GSE1: variants seen among roughly 807,000 people sequenced by gnomAD.
The protein encoded by GSE1 is Gse1 coiled-coil protein.
GSE1 carries 32 observed loss-of-function variants against 112.6 expected under a neutral mutation model. The ratio of observed to expected loss-of-function variants is 0.28; its 90% CI spans 0.21 to 0.38. The LOEUF (loss-of-function observed/expected upper bound fraction) is 0.38, where lower values mean the gene tolerates loss of function less well. Among genes scored for constraint, GSE1 ranks in the 10% least tolerant of loss-of-function variants. The pLI is 1.00. For synonymous variants in GSE1, 1,115 were observed against 735.6 expected (o/e 1.52, Z -8.35); for missense variants, 2,348 against 1,699.2 (o/e 1.38, Z -6.71).
chr16:85,524,547 G>A (rs780925712), intron 2 of GSE1, among the ~76,000 whole-genome samples: 10 of 152,120 alleles, frequency 6.6e-5, no homozygotes, highest in African/African-American at 9.7e-5. Flanking sequence ...TGCCACGTGT[G>A]GGAGGGTGAG....
chr16:85,448,406 G>A (rs1030396097), intron 2 of GSE1, among the ~76,000 whole-genome samples: 6 of 152,212 alleles, frequency 3.9e-5, no homozygotes, highest in Admixed American at 2.0e-4. Flanking sequence ...TTCAAAAGCA[G>A]AGAGGCCAGC....
At chr16:85,630,512 C>A (rs904976901) in intron 1 of GSE1, among the ~76,000 whole-genome samples, 1 of 152,124 alleles carries the variant, frequency 6.6e-6, no homozygotes, top group East Asian at 1.9e-4. Context: ...ACAGAGACAG[C>A]GTCTATGCTG....
At position 85,388,340 on chromosome 16, in the gene GSE1, ATGGCTGGATG is replaced by A. The variant is rs1567728740; in HGVS notation, c.2464+30698_2464+30707del. On this transcript the variant is annotated intron_variant, in intron 2 of 2. Transcript: ENST00000637419. The stretch of plus-strand genomic sequence containing the variant: ...GATGGATGGATGGATGAATGGATGT[ATGGCTGGATG>A]GATGGGTGAGTGGATGGGCGGGTGG... 1.7e-3 allele frequency among the ~76,000 whole-genome samples: 82 copies of A among 49,122 alleles called. 6 individuals are homozygous for A. The highest frequency in any genetic ancestry group is 3.7e-3 in the African/African-American group (41 of 11,222). 32.2% of individuals were successfully genotyped at this position (49,122 alleles called of 152,430 possible).
intron 2 of GSE1, among the ~76,000 whole-genome samples, chr16:85,641,291 C>T (rs1201532258): frequency 6.6e-6 from 1 of 152,250 alleles, no homozygotes; most frequent in Non-Finnish European, 1.5e-5. Context: ...TAAGCTCACG[C>T]TGTTCAGCAC....
chr16:85,320,807 G>A (rs1033856689), intron 1 of GSE1, among the ~76,000 whole-genome samples: 6 of 152,226 alleles, frequency 3.9e-5, no homozygotes, highest in South Asian at 4.1e-4. Flanking sequence ...CCCACTCTGC[G>A]TGGCTGCCCT....
chr16:85,484,362 T>G (rs1257007431), intron 2 of GSE1, among the ~76,000 whole-genome samples: 1 of 152,244 alleles, frequency 6.6e-6, no homozygotes, highest in Non-Finnish European at 1.5e-5. Context: ...ATCGACAGGT[T>G]CCTTCTGGAG....
At chr16:85,654,243 G>A in intron 3 of GSE1, 35 bp from the exon 4 acceptor site, 2 of 1,559,804 alleles carry the variant, frequency 1.3e-6, no homozygotes, top group Non-Finnish European at 1.7e-6. Flanking sequence ...GCCTATACCA[G>A]GCTCCTGCCC....
chr16:85,444,940 G>A (rs2151789647), intron 2 of GSE1, among the ~76,000 whole-genome samples: 1 of 152,328 alleles, frequency 6.6e-6, no homozygotes, highest in South Asian at 2.1e-4. Context: ...CCTCCCCACT[G>A]CCCACGTTGT....
intron 1 of GSE1, among the ~76,000 whole-genome samples, chr16:85,338,688 ATCTTGAGTCAC>A (rs750556248): frequency 1.3e-5 from 2 of 152,218 alleles, no homozygotes; most frequent in African/African-American, 2.4e-5. Flanking sequence ...AAATACACCC[ATCTTGAGTCAC>A]TTTTTTCCCC....
Position 85,417,993 on chromosome 16 carries a change from C to T in GSE1, c.2464+60350C>T, listed in dbSNP as rs138928907. On this transcript the variant is annotated intron_variant, in intron 2 of 2. Coordinates refer to the GSE1 transcript ENST00000637419. ...AGCTGGGATTACAGGGGTCTGCCAC[C>T]ATGCCCAGCTAATTTTTGTATTTTT... 5.9e-3 allele frequency among the ~76,000 whole-genome samples: 906 copies of T among 152,334 alleles called. 15 individuals are homozygous for T. Among genetic ancestry groups the T allele is most frequent in the African/African-American group, 0.02 (840 of 41,568 alleles).
In GSE1 at chr16:85,185,950, G is replaced by A. The variant is rs146701238; in HGVS notation, c.2283+14143G>A. Among the ~76,000 whole-genome samples the A allele has an allele frequency of 4.7e-3, 720 of 152,348 alleles. 5 individuals are homozygous for A. Among genetic ancestry groups the A allele is most frequent in the African/African-American group, 0.017 (687 of 41,574 alleles). On this transcript the variant is annotated intron_variant, in intron 1 of 2. Transcript: ENST00000637419. ...TGCCGAGGGCGCGGAGGCCTGAGCA[G>A]GGTGATGGGTGGGTTCGGTCAGCAG...
intron 1 of GSE1, among the ~76,000 whole-genome samples, chr16:85,600,610 A>ACC (rs1434260236): frequency 3.3e-5 from 5 of 150,324 alleles, no homozygotes; most frequent in African/African-American, 7.5e-5. Flanking sequence ...ACACACACAC[A>ACC]CCCCAAAAAC....
intron 2 of GSE1, among the ~76,000 whole-genome samples, chr16:85,415,573 A>G (rs764602737): frequency 6.6e-6 from 1 of 152,198 alleles, no homozygotes; most frequent in Non-Finnish European, 1.5e-5. Context: ...CCTACCAGCC[A>G]GGGCCCCGAG....
At chr16:85,500,841 G>A (rs188819419) in intron 2 of GSE1, among the ~76,000 whole-genome samples, 1 of 152,218 alleles carries the variant, frequency 6.6e-6, no homozygotes, top group Admixed American at 6.5e-5. Flanking sequence ...AGGCCCCAAG[G>A]GAGGATCCTT....
At chr16:85,640,359 C>G (rs1200744156) in intron 2 of GSE1, among the ~76,000 whole-genome samples, 2 of 152,212 alleles carry the variant, frequency 1.3e-5, no homozygotes, top group African/African-American at 4.8e-5. Context: ...GGCCCAGCCA[C>G]CCATAGCCCG....
intron 1 of GSE1, among the ~76,000 whole-genome samples, chr16:85,232,575 G>A (rs1904298351): frequency 6.6e-6 from 1 of 152,190 alleles, no homozygotes; most frequent in East Asian, 1.9e-4. Flanking sequence ...CTGCCATGTG[G>A]CCCAAGGGAG....
intron 1 of GSE1, among the ~76,000 whole-genome samples, chr16:85,173,348 C>T (rs937568688): frequency 2.0e-5 from 3 of 152,178 alleles, no homozygotes; most frequent in African/African-American, 7.2e-5. Flanking sequence ...AGTTTCTTAT[C>T]CTGGTGGAAT....
At chr16:85,593,242 C>T (rs1034865174) in intron 1 of GSE1, 4 of 152,394 alleles carry the variant, frequency 2.6e-5, no homozygotes, top group South Asian at 4.1e-4. Context: ...CCAGCTCTCA[C>T]TGTGGGGCAG....
intron 2 of GSE1, among the ~76,000 whole-genome samples, chr16:85,361,669 C>A (rs1244248431): frequency 6.6e-6 from 1 of 152,208 alleles, no homozygotes; most frequent in Non-Finnish European, 1.5e-5. Context: ...ATGCCTCGTA[C>A]GTGGGGACAG....
Sources: allele counts gnomAD v4.1 joint callset (sites outside exome capture counted in the v4.1 genomes callset), GRCh38; gene constraint gnomAD v4.1.1; transcripts MANE v1.5; gene names NCBI Gene and HGNC (gene_info 2026-07-23, HGNC 2026-07-21).